ARHGAP32: variants seen among roughly 807,000 people sequenced by gnomAD.
ARHGAP32 encodes Rho GTPase activating protein 32.
ARHGAP32 carries 51 observed loss-of-function variants against 186.5 expected under a neutral mutation model. That is an observed-to-expected ratio of 0.27 (90% CI 0.22 to 0.35). ARHGAP32 has a LOEUF of 0.35. Among genes scored for constraint, ARHGAP32 ranks in the 10% least tolerant of loss-of-function variants. The probability of loss-of-function intolerance (pLI) is 1.00; values close to 1 mark genes in which losing one functional copy is unlikely to be tolerated. For synonymous variants in ARHGAP32, 950 were observed against 964.3 expected (o/e 0.99, Z 0.27); for missense variants, 2,186 against 2,623.5 (o/e 0.83, Z 3.64).
chr11:129,215,329 G>C (rs1025143420), intron 1 of ARHGAP32, among the ~76,000 whole-genome samples: 2 of 152,160 alleles, frequency 1.3e-5, no homozygotes, highest in Non-Finnish European at 1.5e-5. Flanking sequence ...GTATGTGCTA[G>C]AACACATCCT....
At chr11:128,991,097 T>A (rs1193356343) in intron 12 of ARHGAP32, among the ~76,000 whole-genome samples, 1 of 152,210 alleles carries the variant, frequency 6.6e-6, no homozygotes, top group Non-Finnish European at 1.5e-5. Flanking sequence ...TTTCATTGGA[T>A]GTGTATATCT....
chr11:129,177,125 A>G (rs1334353979), intron 1 of ARHGAP32, among the ~76,000 whole-genome samples: 1 of 152,022 alleles, frequency 6.6e-6, no homozygotes, highest in African/African-American at 2.4e-5. Context: ...ATCCCACAGA[A>G]ATACAAACTA....
chr11:128,976,312 A>T (rs1945541111), intron 20 of ARHGAP32, among the ~76,000 whole-genome samples: 1 of 152,152 alleles, frequency 6.6e-6, no homozygotes, highest in Non-Finnish European at 1.5e-5. Flanking sequence ...ATAAATAGTT[A>T]ACTTGAAATA....
At chr11:129,031,250 AT>A (rs1250248644) in intron 11 of ARHGAP32, among the ~76,000 whole-genome samples, 1 of 152,226 alleles carries the variant, frequency 6.6e-6, no homozygotes, top group Non-Finnish European at 1.5e-5. Flanking sequence ...AACATAGTAA[AT>A]AAACACAAAT....
At chr11:129,067,298 C>A (rs1196772749) in intron 6 of ARHGAP32, among the ~76,000 whole-genome samples, 1 of 152,092 alleles carries the variant, frequency 6.6e-6, no homozygotes, top group Non-Finnish European at 1.5e-5. Context: ...TACTAAAAAA[C>A]CAAAACTACT....
At chr11:129,073,683 C>T (rs1264996225) in intron 6 of ARHGAP32, among the ~76,000 whole-genome samples, 1 of 150,018 alleles carries the variant, frequency 6.7e-6, no homozygotes, top group Non-Finnish European at 1.5e-5. Flanking sequence ...CAATAATGAC[C>T]GAGACACCAA....
At chr11:129,091,042 G>T (rs971957926) in intron 6 of ARHGAP32, among the ~76,000 whole-genome samples, 9 of 152,086 alleles carry the variant, frequency 5.9e-5, no homozygotes, top group African/African-American at 2.2e-4. Context: ...TAAGGGAGGG[G>T]ATATCTGCAG....
intron 1 of ARHGAP32, among the ~76,000 whole-genome samples, chr11:129,169,168 A>T (rs1038806147): frequency 6.6e-6 from 1 of 152,172 alleles, no homozygotes; most frequent in Non-Finnish European, 1.5e-5. Flanking sequence ...CAAATCAATA[A>T]AATAGAAAGT....
chr11:129,161,612 T>G (rs1943531519), intron 2 of ARHGAP32, among the ~76,000 whole-genome samples: 1 of 152,008 alleles, frequency 6.6e-6, no homozygotes, highest in African/African-American at 2.4e-5. Context: ...CACCTCACAC[T>G]AGTTAGAATG....
chr11:128,981,479 T>C lies in ARHGAP32; in HGVS notation c.1717A>G (p.Ile573Val). The C allele has an allele frequency of 1.2e-6, 2 of 1,614,000 alleles. No homozygotes were observed. The highest frequency in any genetic ancestry group is 1.7e-6 in the Non-Finnish European group (2 of 1,179,918). The change falls in exon 17 of 23, where the codon ATC becomes GTC. Residue 573 changes from isoleucine (I) to valine (V), a missense_variant. Coordinates refer to ENST00000682385, the MANE Select transcript of ARHGAP32 (RefSeq NM_001378024.1). The stretch of plus-strand genomic sequence containing the variant: ...AACAGCACATCAACGTGATTCAGGA[T>C]GAACTCAACAACCACAGACTGAATC... ...VRIQSVVVEFILNHVDVLFSG... is the reference protein window; with the variant it reads ...VRIQSVVVEFVLNHVDVLFSG...
intron 5 of ARHGAP32, among the ~76,000 whole-genome samples, chr11:129,099,155 A>G (rs1479621141): frequency 6.6e-6 from 1 of 152,244 alleles, no homozygotes; most frequent in Non-Finnish European, 1.5e-5. Flanking sequence ...TAAACAGTAC[A>G]ATCAAAGACA....
In ARHGAP32 at chr11:129,200,612, C is replaced by G. The variant is rs373454666; in HGVS notation, c.-4-36185G>C. Among the ~76,000 whole-genome samples, 13 of 152,102 alleles carry G rather than the reference C, an allele frequency of 8.5e-5. No homozygotes were observed. The East Asian group carries it at 2.3e-3, about 27-fold the overall frequency. On this transcript the variant is annotated intron_variant, in intron 1 of 6. Coordinates refer to the ARHGAP32 transcript ENST00000525234. ...AAACCTCTTTTTCTTTATAAATTAC[C>G]CAGTCTCGGGTATGTCTTTATCAGC...
chr11:129,185,806 CACAA>C (rs1388047662), intron 1 of ARHGAP32, among the ~76,000 whole-genome samples: 1 of 151,628 alleles, frequency 6.6e-6, no homozygotes, highest in Non-Finnish European at 1.5e-5. Flanking sequence ...TGATTTAAAA[CACAA>C]ACATACATAC....
chr11:129,021,218 C>A (rs1279941266), intron 11 of ARHGAP32, among the ~76,000 whole-genome samples: 2 of 149,736 alleles, frequency 1.3e-5, no homozygotes, highest in Non-Finnish European at 3.0e-5. Context: ...ATTAAGGGAT[C>A]TAGAAAATAA....
At chr11:129,068,110 T>A (rs1285626785) in intron 6 of ARHGAP32, among the ~76,000 whole-genome samples, 2 of 152,006 alleles carry the variant, frequency 1.3e-5, no homozygotes, top group Non-Finnish European at 2.9e-5. Context: ...AGGGATCCAG[T>A]TAGTTCTGAC....
intron 10 of ARHGAP32, among the ~76,000 whole-genome samples, chr11:129,049,595 T>C (rs1939954352): frequency 6.6e-6 from 1 of 152,352 alleles, no homozygotes; most frequent in East Asian, 1.9e-4. Context: ...GATATATTAC[T>C]TTCCATTTTC....
intron 1 of ARHGAP32, among the ~76,000 whole-genome samples, chr11:129,260,948 A>G (rs962617799): frequency 9.3e-5 from 14 of 150,654 alleles, no homozygotes; most frequent in Non-Finnish European, 1.8e-4. Flanking sequence ...AAGATAAGAA[A>G]CAGTTTCCTC....
At chr11:129,023,767 T>C (rs1938703550) in intron 11 of ARHGAP32, 2 of 426,252 alleles carry the variant, frequency 4.7e-6, no homozygotes, top group South Asian at 9.9e-5. Flanking sequence ...CAAGGTAACA[T>C]GTGCCCAAAT....
intron 6 of ARHGAP32, among the ~76,000 whole-genome samples, chr11:129,085,809 T>C (rs972573087): frequency 1.6e-4 from 25 of 151,794 alleles, no homozygotes; most frequent in Non-Finnish European, 7.4e-5. Flanking sequence ...CTGGCTAACA[T>C]GGTGAAACCC....
Sources: allele counts gnomAD v4.1 joint callset (sites outside exome capture counted in the v4.1 genomes callset), GRCh38; gene constraint gnomAD v4.1.1; transcripts MANE v1.5; gene names NCBI Gene and HGNC (gene_info 2026-07-23, HGNC 2026-07-21).